CELSR1: variants seen among roughly 807,000 people sequenced by gnomAD.
The protein encoded by CELSR1 is cadherin EGF LAG seven-pass G-type receptor 1, also known as adhesion G protein-coupled receptor C1.
A neutral mutation model predicts 249.1 loss-of-function variants in CELSR1; 110 were observed. The ratio of observed to expected loss-of-function variants is 0.44; its 90% CI spans 0.38 to 0.52. CELSR1 has a LOEUF of 0.52. Ranked by LOEUF, CELSR1 falls within the 20% of genes least tolerant of loss-of-function variation. CELSR1 has a pLI of 0.00. For missense variants in CELSR1, 4,109 were observed against 4,296.4 expected (o/e 0.96, Z 1.22); for synonymous variants, 2,113 against 1,900.0 (o/e 1.11, Z -2.92).
chr22:46,381,913 C>A lies in CELSR1; in HGVS notation c.7021G>T (p.Val2341Phe), dbSNP rs1419742881. 1.3e-6 allele frequency: 2 copies of A among 1,574,412 alleles called. No individual in the cohort carries two copies. Among genetic ancestry groups the A allele is most frequent in the Non-Finnish European group, 1.7e-6 (2 of 1,161,958 alleles). Residue 2341 changes from valine (V) to phenylalanine (F), a missense_variant, in exon 21 of 35, where the codon GTC becomes TTC. Val to Phe is a conservative substitution (Grantham distance 50). Around this residue, in one of 7 missense-constraint regions of CELSR1, gnomAD observed 1,805 missense variants for 1,831.6 expected, o/e 0.99. Coordinates refer to ENST00000674500, the MANE Select transcript of CELSR1 (RefSeq NM_001378328.1). The surrounding 1 kb of genome is among the most constrained non-coding windows in gnomAD (Gnocchi z 6.0). ...DDAGQFAVAL[V>F]IIYRTLGQLL... ...TGCCCCAGGGTGCGGTAAATGATGA[C>A]CAGAGCGACGGCGAACTGGCCAGCG...
At chr22:46,369,629 A>G (rs1175458709) in intron 26 of CELSR1, 63 bp downstream of exon 26, 13 of 1,498,398 alleles carry the variant, frequency 8.7e-6, no homozygotes, top group Non-Finnish European at 1.2e-5. Context: ...GCCAACCCAG[A>G]ACAGCCCTTC....
At chr22:46,368,149 T>C (rs12167493) in intron 27 of CELSR1, among the ~76,000 whole-genome samples, 14,737 of 152,234 alleles carry the variant, frequency 0.097, 2,300 homozygotes, top group African/African-American at 0.33. Context: ...GCCTGAGCCA[T>C]GCCCATGGCT....
chr22:46,513,225 A>T (rs2080591520), intron 1 of CELSR1, among the ~76,000 whole-genome samples: 1 of 152,200 alleles, frequency 6.6e-6, no homozygotes, highest in Non-Finnish European at 1.5e-5. Flanking sequence ...ACACTCAAGG[A>T]AAGGCGGTAT....
In CELSR1 at chr22:46,520,903, C is replaced by G. The variant is rs144097617; in HGVS notation, c.3544+12724G>C. ...CGCAACTCCTGTCCCCTCCCCACCC[C>G]CTGGCAACCACCATTCTACTTCCTG... On this transcript the variant is annotated intron_variant, in intron 1 of 34. Transcript: ENST00000674500. Among the ~76,000 whole-genome samples the G allele has an allele frequency of 2.0e-5, 3 of 152,178 alleles. No homozygotes were observed. The South Asian group carries it at 6.2e-4, about 31-fold the overall frequency.
chr22:46,373,487 T>TG (rs781155577), intron 24 of CELSR1, among the ~76,000 whole-genome samples: 2,574 of 65,672 alleles, frequency 0.039, 54 homozygotes, highest in Non-Finnish European at 0.066. Context: ...TGCTCTGGGG[T>TG]GGGGGGGGCA....
chr22:46,368,182 C>T (rs1235944676), intron 27 of CELSR1, among the ~76,000 whole-genome samples: 1 of 152,186 alleles, frequency 6.6e-6, no homozygotes, highest in Non-Finnish European at 1.5e-5. Flanking sequence ...GTGAGATACC[C>T]TGTGGAGAGG....
intron 1 of CELSR1, among the ~76,000 whole-genome samples, chr22:46,520,184 A>C (rs758281720): frequency 2.6e-5 from 4 of 151,942 alleles, no homozygotes; most frequent in African/African-American, 4.8e-5. Flanking sequence ...CCCTATTGCC[A>C]TTTGTGATCT....
At position 46,402,223 on chromosome 22, in the gene CELSR1, T is replaced by C. The variant is rs2079217158; in HGVS notation, c.5227-2321A>G. Among the ~76,000 whole-genome samples the C allele has an allele frequency of 6.7e-6, 1 of 149,214 alleles. No individual in the cohort carries two copies. Among genetic ancestry groups the C allele is most frequent in the Non-Finnish European group, 1.5e-5 (1 of 66,082 alleles). ...CCCATTCTAGTTTCTCTTTTTCTTT[T>C]TTTTTTTTTTGAGACAGAGTTTCAC... On this transcript the variant is annotated intron_variant, in intron 9 of 34. Coordinates refer to ENST00000674500, the MANE Select transcript of CELSR1 (RefSeq NM_001378328.1). The surrounding 1 kb of genome is among the most constrained non-coding windows in gnomAD (Gnocchi z 5.0).
At chr22:46,415,747 A>G (rs1423630463) in intron 5 of CELSR1, among the ~76,000 whole-genome samples, 1 of 152,146 alleles carries the variant, frequency 6.6e-6, no homozygotes, top group Non-Finnish European at 1.5e-5. Context: ...AAAATGCATT[A>G]TTTGGCCTTC....
At position 46,517,931 on chromosome 22, in the gene CELSR1, T is replaced by C. The variant is rs1382762912; in HGVS notation, c.3544+15696A>G. Among the ~76,000 whole-genome samples, 1 of 151,472 alleles carries C rather than the reference T, an allele frequency of 6.6e-6. No homozygotes were observed. Among genetic ancestry groups the C allele is most frequent in the Non-Finnish European group, 1.5e-5 (1 of 67,842 alleles). Reference sequence around the variant, plus strand: ...TTTTTTTTTTTTTTGAGACAGAGTTTCACTTTTGTTGCCCAGGCCAGAGTG... The same window carrying C: ...TTTTTTTTTTTTTTGAGACAGAGTTCCACTTTTGTTGCCCAGGCCAGAGTG... On this transcript the variant is annotated intron_variant, in intron 1 of 34. Coordinates refer to ENST00000674500, the MANE Select transcript of CELSR1 (RefSeq NM_001378328.1). The surrounding 1 kb of genome is among the most constrained non-coding windows in gnomAD (Gnocchi z 5.4).
At chr22:46,531,463 C>G (rs529423277) in intron 1 of CELSR1, among the ~76,000 whole-genome samples, 1 of 152,314 alleles carries the variant, frequency 6.6e-6, no homozygotes, top group Admixed American at 6.5e-5. Context: ...GCCTCGGCCT[C>G]CCACAGTGCT....
rs200796344 is a variant in CELSR1, at chr22:46,409,928, G to A, written c.4934-48C>T. 538 of 1,602,942 alleles carry A rather than the reference G, an allele frequency of 3.4e-4. No homozygotes were observed. The highest frequency in any genetic ancestry group is 4.2e-4 in the Non-Finnish European group (494 of 1,178,506). On this transcript the variant is annotated intron_variant, in intron 7 of 34. Transcript: ENST00000674500. The surrounding 1 kb of genome is among the most constrained non-coding windows in gnomAD (Gnocchi z 9.8). ...AGAGCCTGACTCGGAGGAACCGCCC[G>A]GGGTCCCCGGCGCCAGACGTGGCGT...
rs746324659 is a variant in CELSR1, at chr22:46,397,624, G to C, written c.5701+50C>G. 8 of 1,393,988 alleles carry C rather than the reference G, an allele frequency of 5.7e-6. No individual in the cohort carries two copies. In the Admixed American group the frequency reaches 1.7e-4, roughly 30 times the overall value. 86.4% of individuals were successfully genotyped at this position (1,393,988 alleles called of 1,614,324 possible). A position where few individuals can be genotyped will look rare whatever the true frequency, so the allele number is the denominator to read the frequency against. Reference sequence around the variant, plus strand: ...AACTGAGCCCCCCTCCTGTGTTTCAGCCATAAGAGACCTCCCTGTCACTGA... The same window carrying C: ...AACTGAGCCCCCCTCCTGTGTTTCACCCATAAGAGACCTCCCTGTCACTGA... On this transcript the variant is annotated intron_variant, in intron 12 of 34. Coordinates refer to ENST00000674500, the MANE Select transcript of CELSR1 (RefSeq NM_001378328.1).
Position 46,536,515 on chromosome 22 carries a change from G to T in CELSR1, c.656C>A (p.Pro219Gln). ...SASPSPSPPL[P>Q]PNLPEARAGP... ...CGCCCGGGCTTCGGGCAAGTTCGGC[G>T]GCAGGGGCGGCGATGGGGATGGCGA... Residue 219 changes from proline to glutamine, a missense_variant, in exon 1 of 35, where the codon CCG becomes CAG. Coordinates refer to ENST00000674500, the MANE Select transcript of CELSR1 (RefSeq NM_001378328.1). The T allele has an allele frequency of 1.3e-6, 2 of 1,495,814 alleles. No individual in the cohort carries two copies. Among genetic ancestry groups the T allele is most frequent in the Middle Eastern group, 1.8e-4 (1 of 5,574 alleles). 92.7% of individuals were successfully genotyped at this position (1,495,814 alleles called of 1,614,324 possible).
chr22:46,535,916 C>T lies in CELSR1; in HGVS notation c.1255G>A (p.Glu419Lys). 6.2e-7 allele frequency: 1 copy of T among 1,609,110 alleles called. No individual in the cohort carries two copies. The part of the protein sequence containing the change: ...VSTRAVLDRE[E>K]AAEYQLLVEA... ...ACCAGGAGCTGGTACTCGGCCGCCT[C>T]CTCCCGGTCCAGCACCGCCCGTGTG... is the stretch of plus-strand genomic sequence containing the variant. The change falls in exon 1 of 35, where the codon GAG (glutamate) becomes AAG (lysine). Residue 419 changes from glutamate (E) to lysine (K), a missense_variant. By Grantham distance (56) the Glu-to-Lys change is moderately conservative (BLOSUM62 1). Transcript: ENST00000674500.
At chr22:46,421,884 C>T (rs1335953598) in intron 5 of CELSR1, among the ~76,000 whole-genome samples, 1 of 152,212 alleles carries the variant, frequency 6.6e-6, no homozygotes, top group African/African-American at 2.4e-5. Flanking sequence ...TTCACGCAGC[C>T]ACGGAACACC....
At position 46,409,635 on chromosome 22, in the gene CELSR1, A is replaced by G. The variant is rs985633973; in HGVS notation, c.5059+120T>C. 5 of 1,218,282 alleles carry G rather than the reference A, an allele frequency of 4.1e-6. No individual in the cohort carries two copies. The African/African-American group carries it at 7.4e-5, about 18-fold the overall frequency. 75.5% of individuals were successfully genotyped at this position (1,218,282 alleles called of 1,614,324 possible). A position where few individuals can be genotyped will look rare whatever the true frequency, so the allele number is the denominator to read the frequency against. On this transcript the variant is annotated intron_variant, in intron 8 of 34. Transcript: ENST00000674500. This position sits in a 1 kb window ranked among gnomAD's most constrained non-coding sequence, Gnocchi z 9.8. ...TGTGAGTCCACAGTAAATGCAGCAT[A>G]TACCACCAGAGGCTGCCGGACCTGG...
chr22:46,421,365 G>A (rs1602112116), intron 5 of CELSR1, among the ~76,000 whole-genome samples: 1 of 152,176 alleles, frequency 6.6e-6, no homozygotes, highest in African/African-American at 2.4e-5. Flanking sequence ...ATGCCAGACA[G>A]GAAGCAACCT....
Position 46,374,817 on chromosome 22 carries a change from C to T in CELSR1, c.7585-1760G>A, listed in dbSNP as rs138642360. Among the ~76,000 whole-genome samples, 1 of 152,312 alleles carries T rather than the reference C, an allele frequency of 6.6e-6. No individual in the cohort carries two copies. Among genetic ancestry groups the T allele is most frequent in the African/African-American group, 2.4e-5 (1 of 41,520 alleles). ...GTGCCCATTGCGGGGATGCGCCCGG[C>T]TGCGGATGTGAAGAAACCCCTCCGC... is the stretch of plus-strand genomic sequence containing the variant. On this transcript the variant is annotated intron_variant, in intron 24 of 34. Coordinates refer to ENST00000674500, the MANE Select transcript of CELSR1 (RefSeq NM_001378328.1). The surrounding 1 kb of genome is among the most constrained non-coding windows in gnomAD (Gnocchi z 4.3).
Sources: gnomAD v4.1 joint callset for allele counts (sites outside exome capture counted in the v4.1 genomes callset) on GRCh38, gnomAD v4.1.1 for gene constraint, gnomAD v4.1.1 regional missense constraint, Gnocchi (gnomAD v3.1) non-coding constraint, MANE v1.5 for transcripts, NCBI Gene and HGNC (gene_info 2026-07-23, HGNC 2026-07-21) for gene names.